CHRNB3: variants seen among roughly 807,000 people sequenced by gnomAD.
CHRNB3 encodes the protein neuronal acetylcholine receptor subunit beta-3.
CHRNB3 carries 37 observed loss-of-function variants against 40.6 expected under a neutral mutation model. That is an observed-to-expected ratio of 0.91 (90% CI 0.70 to 1.20). CHRNB3 has a LOEUF of 1.20. CHRNB3 is among the 50% of genes most tolerant of loss of function. The pLI is 0.00. For synonymous variants in CHRNB3, 207 were observed against 207.1 expected (o/e 1.00, Z 0.00); for missense variants, 505 against 551.2 (o/e 0.92, Z 0.84).
At chr8:42,728,302 A>G (rs947962638) in intron 3 of CHRNB3, among the ~76,000 whole-genome samples, 6 of 152,144 alleles carry the variant, frequency 3.9e-5, no homozygotes, top group Admixed American at 3.3e-4. Flanking sequence ...AGGCAGGAGA[A>G]TTGCTTGAGC....
intron 1 of CHRNB3, among the ~76,000 whole-genome samples, chr8:42,707,348 T>C (rs1178994961): frequency 2.0e-5 from 3 of 152,356 alleles, no homozygotes; most frequent in Non-Finnish European, 2.9e-5. Context: ...CATGAGATCA[T>C]TACCCAGCAT....
At chr8:42,719,108 C>G (rs1019918205) in intron 3 of CHRNB3, among the ~76,000 whole-genome samples, 2 of 152,082 alleles carry the variant, frequency 1.3e-5, no homozygotes, top group African/African-American at 4.8e-5. Context: ...CATCTCTTAC[C>G]CTAAGAAGGG....
At chr8:42,698,035 TA>T (rs1380995063) in intron 1 of CHRNB3, among the ~76,000 whole-genome samples, 1 of 152,244 alleles carries the variant, frequency 6.6e-6, no homozygotes, top group Non-Finnish European at 1.5e-5. Flanking sequence ...TGTAGGCCTA[TA>T]TATTTTAATA....
Position 42,731,710 on chromosome 8 carries a change from G to A in CHRNB3, c.403G>A (p.Val135Met). 2 of 1,613,714 alleles carry A rather than the reference G, an allele frequency of 1.2e-6. No homozygotes were observed. The highest frequency in any genetic ancestry group is 1.7e-6 in the Non-Finnish European group (2 of 1,179,828). Residue 135 changes from valine (V) to methionine (M), a missense_variant, in exon 5 of 6, where the codon GTG (valine) becomes ATG (methionine). Val to Met is a conservative substitution (Grantham distance 21). Transcript: ENST00000289957. ...AGGCTCCCTGATGACCAAGGTCATC[G>A]TGAAATCAAACGGAACTGTTGTCTG... is the stretch of plus-strand genomic sequence containing the variant. ...FEGSLMTKVIVKSNGTVVWTP... is the reference protein window; with the variant it reads ...FEGSLMTKVIMKSNGTVVWTP...
At chr8:42,716,262 C>T (rs1816102666) in intron 3 of CHRNB3, among the ~76,000 whole-genome samples, 1 of 152,030 alleles carries the variant, frequency 6.6e-6, no homozygotes, top group East Asian at 1.9e-4. Flanking sequence ...CAGGCGTGAG[C>T]CACTGTGCTG....
intron 1 of CHRNB3, chr8:42,704,454 C>T (rs1245637037): frequency 6.6e-6 from 1 of 152,176 alleles, no homozygotes; most frequent in Non-Finnish European, 1.5e-5. Context: ...GAGCAGGATT[C>T]CTGTACCTTC....
chr8:42,732,345 A>G lies in CHRNB3; in HGVS notation c.1038A>G (p.Leu346=). 1 of 1,607,058 alleles carries G rather than the reference A, an allele frequency of 6.2e-7. No homozygotes were observed. The change falls in exon 5 of 6, where the codon TTA becomes TTG. Residue 346 remains leucine (L), a synonymous_variant. Coordinates refer to ENST00000289957, the MANE Select transcript of CHRNB3 (RefSeq NM_000749.5). ...TCTTTCTGCAGAAACTTCCAAAATTACTTTGCATGAAAGATCATGTGGATC... is the reference window on the plus strand; with the variant it reads ...TCTTTCTGCAGAAACTTCCAAAATTGCTTTGCATGAAAGATCATGTGGATC... ...KRLFLQKLPK[L]LCMKDHVDRY...
At position 42,732,318 on chromosome 8, in the gene CHRNB3, G is replaced by A; in HGVS notation, c.1011G>A (p.Arg337=). The change falls in exon 5 of 6, where the codon AGG becomes AGA. Residue 337 remains arginine (R), a synonymous_variant. Coordinates refer to ENST00000289957, the MANE Select transcript of CHRNB3 (RefSeq NM_000749.5). ...TYHPMAPWVK[R]LFLQKLPKLL... ...ACCCCATGGCCCCCTGGGTTAAGAG[G>A]CTCTTTCTGCAGAAACTTCCAAAAT... 6.2e-7 allele frequency: 1 copy of A among 1,606,388 alleles called. No homozygotes were observed. The highest frequency in any genetic ancestry group is 8.5e-7 in the Non-Finnish European group (1 of 1,177,908).
chr8:42,700,521 T>C (rs1360774262), intron 1 of CHRNB3, among the ~76,000 whole-genome samples: 1 of 151,750 alleles, frequency 6.6e-6, no homozygotes, highest in African/African-American at 2.4e-5. Context: ...GGTTTCACCA[T>C]GTTGGCCAGG....
intron 1 of CHRNB3, chr8:42,705,806 C>T (rs1815912131): frequency 6.6e-6 from 1 of 152,276 alleles, no homozygotes; most frequent in Non-Finnish European, 1.5e-5. Flanking sequence ...GAGCAATTCA[C>T]CTCTGGTCCC....
At chr8:42,714,531 G>A (rs1393371589) in intron 3 of CHRNB3, among the ~76,000 whole-genome samples, 1 of 151,196 alleles carries the variant, frequency 6.6e-6, no homozygotes, top group Non-Finnish European at 1.5e-5. Flanking sequence ...AAGCTATATG[G>A]ATTAAAGAAA....
At chr8:42,717,817 T>TC (rs1334162298) in intron 3 of CHRNB3, among the ~76,000 whole-genome samples, 3 of 146,898 alleles carry the variant, frequency 2.0e-5, no homozygotes, top group East Asian at 2.0e-4. Context: ...AGCTTTCTCA[T>TC]CCTTTTTTTT....
At position 42,719,469 on chromosome 8, in the gene CHRNB3, T is replaced by C. The variant is rs1292372916; in HGVS notation, c.249+9035T>C. 3.3e-5 allele frequency among the ~76,000 whole-genome samples: 5 copies of C among 151,780 alleles called. No homozygotes were observed. The South Asian group carries it at 1.0e-3, about 32-fold the overall frequency. On this transcript the variant is annotated intron_variant, in intron 3 of 5. Transcript: ENST00000289957. The stretch of plus-strand genomic sequence containing the variant: ...AAACCAGCCCGATCAACATAGGGAG[T>C]CCCCTGTCTGTACAAAAAATAAGAA...
chr8:42,717,625 C>A (rs62518181), intron 3 of CHRNB3, among the ~76,000 whole-genome samples: 8,673 of 151,432 alleles, frequency 0.057, 334 homozygotes, highest in Middle Eastern at 0.11. Context: ...GTAAGAATTG[C>A]GTAGGGGTCA....
At chr8:42,731,627 T>A (rs763150064) in intron 4 of CHRNB3, 40 bp from the exon 5 acceptor site, 7 of 1,535,530 alleles carry the variant, frequency 4.6e-6, no homozygotes, top group Non-Finnish European at 6.1e-6. Flanking sequence ...AACTAGCAGG[T>A]GCTCCACCGA....
In CHRNB3 at chr8:42,732,209, T is replaced by A; in HGVS notation, c.902T>A (p.Leu301Gln). 1 of 1,610,048 alleles carries A rather than the reference T, an allele frequency of 6.2e-7. No homozygotes were observed. ...KVIPLIGEYL[L>Q]FIMIFVTLSI... Reference sequence around the variant, plus strand: ...ATTCCTCTCATTGGAGAGTACCTGCTGTTCATCATGATTTTTGTGACCCTG... The same window carrying A: ...ATTCCTCTCATTGGAGAGTACCTGCAGTTCATCATGATTTTTGTGACCCTG... The change falls in exon 5 of 6, where the codon CTG becomes CAG. Residue 301 changes from leucine (L) to glutamine (Q), a missense_variant. Physicochemically the swap from Leu to Gln is moderately radical, Grantham distance 113. Coordinates refer to ENST00000289957, the MANE Select transcript of CHRNB3 (RefSeq NM_000749.5).
intron 3 of CHRNB3, among the ~76,000 whole-genome samples, chr8:42,727,045 A>G (rs745491179): frequency 6.6e-6 from 1 of 152,192 alleles, no homozygotes; most frequent in Non-Finnish European, 1.5e-5. Flanking sequence ...GCCTAAAGCT[A>G]TAATAACCAA....
At chr8:42,698,892 G>A (rs1330506047) in intron 1 of CHRNB3, among the ~76,000 whole-genome samples, 2 of 152,098 alleles carry the variant, frequency 1.3e-5, no homozygotes, top group African/African-American at 2.4e-5. Flanking sequence ...GCTAAGTCTC[G>A]TCCTCTGTGT....
chr8:42,701,714 T>C (rs113823022), intron 1 of CHRNB3, among the ~76,000 whole-genome samples: 2,075 of 152,312 alleles, frequency 0.014, 23 homozygotes, highest in Non-Finnish European at 0.021. Context: ...AATCCCCTGG[T>C]AGCTGTGTTA....
Sources: gnomAD v4.1 joint callset for allele counts (sites outside exome capture counted in the v4.1 genomes callset) on GRCh38, gnomAD v4.1.1 for gene constraint, MANE v1.5 for transcripts, NCBI Gene and HGNC (gene_info 2026-07-23, HGNC 2026-07-21) for gene names.